The following LSAMP variants were observed in gnomAD, a reference collection of about 807,000 sequenced individuals.
LSAMP encodes the protein limbic system associated membrane protein.
In LSAMP, 7 loss-of-function variants were observed where a neutral mutation model predicts 38.6. The observed-to-expected ratio is 0.18, with a 90% confidence interval of 0.10 to 0.34. LSAMP has a LOEUF of 0.34. Ranked by LOEUF, LSAMP falls within the 10% of genes least tolerant of loss-of-function variation. The pLI, the probability that LSAMP is intolerant of heterozygous loss-of-function variation, is 1.00. For synonymous variants in LSAMP, 154 were observed against 166.8 expected, an observed-to-expected ratio of 0.92 and a Z score of 0.59; for missense variants, 313 against 420.0, an observed-to-expected ratio of 0.75 and a Z score of 2.23.
chr3:116,444,026 A>T (rs931602223), intron 1 of LSAMP, among the ~76,000 whole-genome samples: 3 of 152,170 alleles, frequency 2.0e-5, no homozygotes, highest in Non-Finnish European at 4.4e-5. Flanking sequence ...TTCTTTCCAA[A>T]TTTCAATCTC....
intron 3 of LSAMP, among the ~76,000 whole-genome samples, chr3:115,892,501 T>C (rs550943717): frequency 6.6e-6 from 1 of 152,028 alleles, no homozygotes; most frequent in African/African-American, 2.4e-5. Context: ...GTATTATAGG[T>C]ATGATTCCAC....
At chr3:116,080,987 G>A (rs1357489395) in intron 2 of LSAMP, among the ~76,000 whole-genome samples, 4 of 152,172 alleles carry the variant, frequency 2.6e-5, no homozygotes, top group African/African-American at 7.2e-5. Flanking sequence ...AAGGATGGGA[G>A]TGAAGGAAGA....
chr3:116,194,284 C>T (rs994321908), intron 1 of LSAMP, among the ~76,000 whole-genome samples: 1 of 152,062 alleles, frequency 6.6e-6, no homozygotes, highest in Non-Finnish European at 1.5e-5. Context: ...ATATAGGCAG[C>T]GGAAGACACA....
rs796184649 is a variant in LSAMP, at chr3:116,052,129, C to T, written c.389-32489G>A. ...TACTTCAGCACTGTAGACAGAGGGC[C>T]AACAATGAATGCTTCACAAGGATGC... On this transcript the variant is annotated intron_variant, in intron 2 of 6. Transcript: ENST00000490035. Among the ~76,000 whole-genome samples, 9 of 152,120 alleles carry T rather than the reference C, an allele frequency of 5.9e-5. No individual in the cohort carries two copies. In the South Asian group the frequency reaches 1.9e-3, roughly 32 times the overall value.
chr3:116,266,437 A>AAAC (rs2107664425), intron 1 of LSAMP, among the ~76,000 whole-genome samples: 1 of 152,322 alleles, frequency 6.6e-6, no homozygotes, highest in East Asian at 1.9e-4. Context: ...CACTCAGAGG[A>AAAC]AACAACACCT....
At chr3:116,249,441 A>G (rs1276786442) in intron 1 of LSAMP, among the ~76,000 whole-genome samples, 1 of 151,326 alleles carries the variant, frequency 6.6e-6, no homozygotes, top group East Asian at 2.0e-4. Context: ...ACTGGAGTGC[A>G]GTGGCGCAAT....
rs949077130 is a variant in LSAMP at position 115,809,084 on chromosome 3, C to G, written c.*1233G>C. ...CTGGGGATTTACTCAACACATGCTG[C>G]TCATTTTCACAGTGGAGCAGGGCCT... On this transcript the variant is annotated 3_prime_UTR_variant, in exon 7 of 7. Transcript: ENST00000490035. 3 of 152,160 alleles carry G rather than the reference C, an allele frequency of 2.0e-5. No individual in the cohort carries two copies. The highest frequency in any genetic ancestry group is 4.4e-5 in the Non-Finnish European group (3 of 68,022). The allele number at this position is 152,160 out of a possible 1,614,324, so 9.4% of individuals were successfully genotyped here.
At chr3:116,088,893 T>G (rs766946759) in intron 1 of LSAMP, among the ~76,000 whole-genome samples, 17 of 152,244 alleles carry the variant, frequency 1.1e-4, no homozygotes, top group Non-Finnish European at 2.2e-4. Context: ...AACAGGCATT[T>G]GATAAATGCC....
intron 1 of LSAMP, among the ~76,000 whole-genome samples, chr3:116,353,941 C>T (rs1217208233): frequency 6.6e-6 from 1 of 152,038 alleles, no homozygotes; most frequent in Non-Finnish European, 1.5e-5. Flanking sequence ...ATTGCCTTTC[C>T]ATTCAATGGT....
chr3:116,227,615 T>A (rs1368784363), intron 1 of LSAMP, among the ~76,000 whole-genome samples: 1 of 130,120 alleles, frequency 7.7e-6, no homozygotes, highest in East Asian at 2.3e-4. Context: ...CCCTTCTCCA[T>A]TTTTTTTTAT....
chr3:116,054,061 C>T (rs965388694), intron 2 of LSAMP, among the ~76,000 whole-genome samples: 1 of 152,144 alleles, frequency 6.6e-6, no homozygotes, highest in African/African-American at 2.4e-5. Context: ...AAAGCAAAGT[C>T]GTGGCATGGC....
chr3:115,955,405 G>T (rs544080641), intron 3 of LSAMP, among the ~76,000 whole-genome samples: 1 of 151,972 alleles, frequency 6.6e-6, no homozygotes, highest in Admixed American at 6.5e-5. Context: ...CCAGCAGACC[G>T]TGTTCACTTC....
chr3:116,325,883 G>C (rs889044249), intron 1 of LSAMP, among the ~76,000 whole-genome samples: 1 of 152,118 alleles, frequency 6.6e-6, no homozygotes, highest in Non-Finnish European at 1.5e-5. Context: ...TAGCCAAAGA[G>C]AAGTTTAGGA....
At chr3:116,181,708 T>C (rs967537128) in intron 1 of LSAMP, among the ~76,000 whole-genome samples, 1 of 151,990 alleles carries the variant, frequency 6.6e-6, no homozygotes, top group African/African-American at 2.4e-5. Flanking sequence ...CATCACAATA[T>C]CCTAAGATAG....
chr3:116,363,775 A>G (rs1386727687), intron 1 of LSAMP, among the ~76,000 whole-genome samples: 1 of 149,944 alleles, frequency 6.7e-6, no homozygotes, highest in African/African-American at 2.5e-5. Flanking sequence ...TGATTATCTC[A>G]ATAGATGCAG....
intron 1 of LSAMP, among the ~76,000 whole-genome samples, chr3:116,395,358 C>A (rs1238922150): frequency 1.3e-5 from 2 of 152,126 alleles, no homozygotes; most frequent in Non-Finnish European, 2.9e-5. Context: ...CCTGGATGAG[C>A]ATGTTACCAA....
chr3:116,045,457 G>C (rs1165997172), intron 2 of LSAMP, among the ~76,000 whole-genome samples: 1 of 148,578 alleles, frequency 6.7e-6, no homozygotes. Context: ...ATTTTGGAGA[G>C]TCAGCAAACC....
chr3:115,963,317 TA>T (rs1461016675), intron 3 of LSAMP, among the ~76,000 whole-genome samples: 3 of 152,254 alleles, frequency 2.0e-5, no homozygotes, highest in African/African-American at 7.2e-5. Flanking sequence ...GACCCCAAAT[TA>T]GGGAATCCTT....
At chr3:116,296,694 CAAAAAAAAAAAAAAAA>C (rs10659032) in intron 1 of LSAMP, among the ~76,000 whole-genome samples, 8 of 59,698 alleles carry the variant, frequency 1.3e-4, no homozygotes, top group African/African-American at 4.6e-4. Context: ...GACTCTGTCT[CAAAAAAAAAAAAAAAA>C]AAAAAAAAAA....
Sources: allele counts gnomAD v4.1 joint callset (sites outside exome capture counted in the v4.1 genomes callset), GRCh38; gene constraint gnomAD v4.1.1; transcripts MANE v1.5; gene names NCBI Gene and HGNC (gene_info 2026-07-23, HGNC 2026-07-21).